Variants in CPED1 observed in about 807,000 individuals in gnomAD.
CPED1 encodes the protein cadherin-like and PC-esterase domain-containing protein 1.
A neutral mutation model predicts 128.2 loss-of-function variants in CPED1; 114 were observed. That is an observed-to-expected ratio of 0.89 (90% CI 0.76 to 1.04). The LOEUF (loss-of-function observed/expected upper bound fraction) is 1.04, where lower values mean the gene tolerates loss of function less well. Among genes scored for constraint, CPED1 ranks in the 50% least tolerant of loss-of-function variants. The pLI is 0.00. For missense variants in CPED1, 1,211 were observed against 1,207.1 expected (o/e 1.00, Z -0.05); for synonymous variants, 462 against 426.7 (o/e 1.08, Z -1.02).
intron 7 of CPED1, among the ~76,000 whole-genome samples, chr7:121,104,883 G>A (rs1345250167): frequency 1.3e-5 from 2 of 152,050 alleles, no homozygotes; most frequent in Admixed American, 6.6e-5. Flanking sequence ...CATGATATAG[G>A]TAAATATTAT....
At chr7:121,280,254 A>G (rs1488328913) in intron 22 of CPED1, among the ~76,000 whole-genome samples, 1 of 152,182 alleles carries the variant, frequency 6.6e-6, no homozygotes, top group Non-Finnish European at 1.5e-5. Context: ...AGCAACATAG[A>G]TATTCAGCCA....
At position 121,105,852 on chromosome 7, in the gene CPED1, A is replaced by G. The variant is rs182207704; in HGVS notation, c.918+5758A>G. On this transcript the variant is annotated intron_variant, in intron 7 of 22. Coordinates refer to ENST00000310396, the MANE Select transcript of CPED1 (RefSeq NM_024913.5). ...TCATTCCCAACTTGGTTCTATTAAA[A>G]GATTTGTCAAGTCATTTTGTACATT... 1.1e-3 allele frequency among the ~76,000 whole-genome samples: 172 copies of G among 152,252 alleles called. 2 individuals carry two copies. Among genetic ancestry groups the G allele is most frequent in the Middle Eastern group, 6.8e-3 (2 of 294 alleles).
chr7:121,248,423 A>G, intron 18 of CPED1, among the ~76,000 whole-genome samples: 1 of 151,984 alleles, frequency 6.6e-6, no homozygotes, highest in East Asian at 1.9e-4. Flanking sequence ...AGAGGAGGTG[A>G]CCTCTCTCCC....
intron 17 of CPED1, among the ~76,000 whole-genome samples, chr7:121,239,619 G>A (rs1798341226): frequency 1.3e-5 from 2 of 152,090 alleles, no homozygotes; most frequent in Admixed American, 6.6e-5. Flanking sequence ...AAATATAGAT[G>A]TTTTTGTCTT....
chr7:121,178,122 C>T (rs887308091), intron 16 of CPED1, among the ~76,000 whole-genome samples: 9 of 152,142 alleles, frequency 5.9e-5, no homozygotes, highest in African/African-American at 1.9e-4. Flanking sequence ...GAGAGGACCT[C>T]ACCCTCACTT....
At chr7:121,242,786 G>A (rs1380363695) in intron 17 of CPED1, among the ~76,000 whole-genome samples, 2 of 151,908 alleles carry the variant, frequency 1.3e-5, no homozygotes, top group Non-Finnish European at 2.9e-5. Context: ...CTTTCCTGGA[G>A]TTCATACTTT....
chr7:121,216,853 G>A (rs1275442393), intron 16 of CPED1, among the ~76,000 whole-genome samples: 1 of 152,020 alleles, frequency 6.6e-6, no homozygotes, highest in Non-Finnish European at 1.5e-5. Context: ...CATATTTGGT[G>A]GCAGGACTTA....
chr7:121,103,313 C>T (rs1432466545), intron 7 of CPED1, among the ~76,000 whole-genome samples: 1 of 152,154 alleles, frequency 6.6e-6, no homozygotes, highest in African/African-American at 2.4e-5. Context: ...ATACTGTTAT[C>T]TCCTCAGAGG....
At chr7:121,021,837 A>G (rs1426008259) in intron 3 of CPED1, among the ~76,000 whole-genome samples, 1 of 152,080 alleles carries the variant, frequency 6.6e-6, no homozygotes, top group East Asian at 1.9e-4. Context: ...AGTTACAGAA[A>G]GGAGAATATG....
chr7:121,044,565 C>G (rs1456973163), intron 3 of CPED1, among the ~76,000 whole-genome samples: 1 of 144,228 alleles, frequency 6.9e-6, no homozygotes, highest in Admixed American at 7.3e-5. Context: ...CTGTGTAATG[C>G]TTTGTAAGTT....
At chr7:121,263,312 A>C (rs1792056872) in intron 18 of CPED1, among the ~76,000 whole-genome samples, 1 of 152,090 alleles carries the variant, frequency 6.6e-6, no homozygotes, top group Non-Finnish European at 1.5e-5. Flanking sequence ...GGAGAGAAAT[A>C]GCTGTGACTT....
rs765404563 is a variant in CPED1, at chr7:121,127,143, A to G, written c.1188A>G (p.Gln396=). Residue 396 remains glutamine, a synonymous_variant, in exon 10 of 23, where the codon CAA becomes CAG. Coordinates refer to ENST00000310396, the MANE Select transcript of CPED1 (RefSeq NM_024913.5). ...ATGATAATATGGATTTTGAGGACCA[A>G]AATACAGAAGAATTCCTTTTAAATG... ...QDYDNMDFED[Q]NTEEFLLNDT... is the part of the protein sequence containing the mutation. 1.1e-5 allele frequency: 17 copies of G among 1,601,854 alleles called. No homozygotes were observed. The highest frequency in any genetic ancestry group is 3.3e-4 in the Middle Eastern group (2 of 6,008).
chr7:121,285,480 T>C (rs1462324981), intron 22 of CPED1, among the ~76,000 whole-genome samples: 1 of 152,184 alleles, frequency 6.6e-6, no homozygotes, highest in African/African-American at 2.4e-5. Flanking sequence ...AGCTGCAAAT[T>C]TTTTAAACTT....
intron 3 of CPED1, among the ~76,000 whole-genome samples, chr7:121,031,852 T>G (rs1792743182): frequency 6.6e-6 from 1 of 152,228 alleles, no homozygotes; most frequent in African/African-American, 2.4e-5. Flanking sequence ...GAATACACAG[T>G]TCATAGAAAA....
chr7:121,075,251 G>A (rs967304782), intron 5 of CPED1, among the ~76,000 whole-genome samples: 4 of 152,078 alleles, frequency 2.6e-5, no homozygotes, highest in Non-Finnish European at 5.9e-5. Context: ...AAATTGCTCA[G>A]GAGAAAATGA....
chr7:121,133,342 A>G (rs747001153), intron 12 of CPED1, among the ~76,000 whole-genome samples: 3 of 152,066 alleles, frequency 2.0e-5, no homozygotes, highest in Non-Finnish European at 4.4e-5. Flanking sequence ...AACCCTTGCT[A>G]TTCACTACTG....
At chr7:121,053,612 A>T (rs1021320620) in intron 4 of CPED1, among the ~76,000 whole-genome samples, 14 of 152,150 alleles carry the variant, frequency 9.2e-5, no homozygotes, top group African/African-American at 2.9e-4. Context: ...CTGTAAAAAG[A>T]TCCTGTTTTT....
chr7:121,097,198 C>A (rs1296618555), intron 5 of CPED1, among the ~76,000 whole-genome samples: 1 of 151,994 alleles, frequency 6.6e-6, no homozygotes, highest in Non-Finnish European at 1.5e-5. Context: ...ACCTTAAAAT[C>A]CAATAATTAA....
intron 3 of CPED1, among the ~76,000 whole-genome samples, chr7:121,024,504 T>A (rs1792520619): frequency 1.3e-5 from 2 of 152,192 alleles, no homozygotes; most frequent in Admixed American, 1.3e-4. Context: ...TTTGATCTTT[T>A]TAAGTTTCAT....
Sources: gnomAD v4.1 joint callset for allele counts (sites outside exome capture counted in the v4.1 genomes callset) on GRCh38, gnomAD v4.1.1 for gene constraint, MANE v1.5 for transcripts, NCBI Gene and HGNC (gene_info 2026-07-23, HGNC 2026-07-21) for gene names.